The following GPATCH8 variants were observed in gnomAD, a reference collection of about 807,000 sequenced individuals.
The protein encoded by GPATCH8 is G patch domain-containing protein 8.
In GPATCH8, 18 loss-of-function variants were observed where a neutral mutation model predicts 118.3. That is an observed-to-expected ratio of 0.15 (90% CI 0.11 to 0.23). GPATCH8 has a LOEUF of 0.23. Among genes scored for constraint, GPATCH8 ranks in the 10% least tolerant of loss-of-function variants. The pLI is 1.00. For synonymous variants in GPATCH8, 659 were observed against 684.7 expected (o/e 0.96, Z 0.59); for missense variants, 1,631 against 1,873.8 (o/e 0.87, Z 2.39).
chr17:44,440,073 C>T (rs1484319816), intron 3 of GPATCH8, among the ~76,000 whole-genome samples: 1 of 152,080 alleles, frequency 6.6e-6, no homozygotes, highest in East Asian at 1.9e-4. Context: ...TGAACCACCT[C>T]GCCCGGCCTC....
At chr17:44,483,073 G>T (rs1968409263) in intron 1 of GPATCH8, among the ~76,000 whole-genome samples, 1 of 134,288 alleles carries the variant, frequency 7.4e-6, no homozygotes, top group Admixed American at 7.7e-5. Flanking sequence ...GGAGAATGGT[G>T]TGAACCCAGG....
chr17:44,456,915 G>A (rs570275204), intron 3 of GPATCH8, among the ~76,000 whole-genome samples: 2 of 152,138 alleles, frequency 1.3e-5, no homozygotes, highest in Admixed American at 6.5e-5. Context: ...CCAGGATGGA[G>A]TGCAGTGGCG....
intron 4 of GPATCH8, among the ~76,000 whole-genome samples, chr17:44,436,120 TA>T (rs2050506944): frequency 6.7e-6 from 1 of 149,676 alleles, no homozygotes; most frequent in African/African-American, 2.5e-5. Flanking sequence ...GTGACAGCCG[TA>T]CCCAATTCTA....
At chr17:44,427,001 AT>A (rs2143932159) in intron 5 of GPATCH8, among the ~76,000 whole-genome samples, 1 of 152,294 alleles carries the variant, frequency 6.6e-6, no homozygotes, top group East Asian at 1.9e-4. Context: ...ACACGTATAT[AT>A]GGAGTTATAT....
intron 3 of GPATCH8, among the ~76,000 whole-genome samples, chr17:44,443,017 G>A (rs957366270): frequency 2.0e-5 from 3 of 152,270 alleles, no homozygotes; most frequent in Admixed American, 2.0e-4. Context: ...CCCAGGAGCT[G>A]GAGTGAGCTA....
intron 4 of GPATCH8, 40 bp from the exon 5 acceptor site, chr17:44,435,191 T>C (rs368664559): frequency 1.7e-5 from 15 of 901,462 alleles, no homozygotes; most frequent in Non-Finnish European, 2.8e-5. Context: ...ATTCCTAAAG[T>C]ACCCCCAAGA....
intron 3 of GPATCH8, among the ~76,000 whole-genome samples, chr17:44,461,005 A>G (rs145601315): frequency 1.7e-4 from 26 of 152,300 alleles, no homozygotes; most frequent in African/African-American, 6.0e-4. Flanking sequence ...TCAATTCTTA[A>G]TGTTGGAAAC....
intron 2 of GPATCH8, among the ~76,000 whole-genome samples, chr17:44,471,519 C>G (rs2144356659): frequency 1.3e-5 from 2 of 152,292 alleles, no homozygotes; most frequent in East Asian, 3.9e-4. Flanking sequence ...AATGACTAGA[C>G]CTTTAGCTCC....
rs869068538 is a variant in GPATCH8 at position 44,468,373 on chromosome 17, C to CTT, written c.121-3831_121-3830dup. Among the ~76,000 whole-genome samples the CTT allele has an allele frequency of 1.1e-3, 106 of 100,006 alleles. 5 individuals carry two copies. Among genetic ancestry groups the CTT allele is most frequent in the East Asian group, 2.7e-3 (9 of 3,334 alleles). 65.6% of individuals were successfully genotyped at this position (100,006 alleles called of 152,430 possible). A position where few individuals can be genotyped will look rare whatever the true frequency, so the allele number is the denominator to read the frequency against. On this transcript the variant is annotated intron_variant, in intron 2 of 7. Coordinates refer to ENST00000591680, the MANE Select transcript of GPATCH8 (RefSeq NM_001002909.4). Reference sequence around the variant, plus strand: ...CAATGAACATTAAATTTCTTTGTTCCTTTTTTTTTTTTTTTTTTTTTTTTT... The same window carrying CTT: ...CAATGAACATTAAATTTCTTTGTTCCTTTTTTTTTTTTTTTTTTTTTTTTTTT...
chr17:44,452,075 A>G (rs1376248163), intron 3 of GPATCH8, among the ~76,000 whole-genome samples: 1 of 152,050 alleles, frequency 6.6e-6, no homozygotes, highest in Non-Finnish European at 1.5e-5. Context: ...GTTTGAGACC[A>G]GTCTGGCCAA....
intron 7 of GPATCH8, among the ~76,000 whole-genome samples, chr17:44,401,995 C>T (rs1217730625): frequency 1.4e-5 from 2 of 144,040 alleles, no homozygotes; most frequent in African/African-American, 5.1e-5. Flanking sequence ...CAGAGCGAGA[C>T]TCCCTCTCAA....
chr17:44,483,807 A>G (rs1037284973), intron 1 of GPATCH8, among the ~76,000 whole-genome samples: 13 of 141,836 alleles, frequency 9.2e-5, no homozygotes, highest in African/African-American at 3.1e-4. Context: ...AGGCTCGGCT[A>G]ATTTTTGTTT....
At chr17:44,480,397 T>C (rs367560112) in intron 1 of GPATCH8, among the ~76,000 whole-genome samples, 1 of 151,296 alleles carries the variant, frequency 6.6e-6, no homozygotes, top group Non-Finnish European at 1.5e-5. Context: ...CTGGCCAACA[T>C]GGTGAAACTC....
chr17:44,439,783 C>CTT (rs200851468), intron 3 of GPATCH8, among the ~76,000 whole-genome samples: 26 of 140,546 alleles, frequency 1.8e-4, no homozygotes, highest in Admixed American at 2.9e-4. Context: ...GAAAACTCAA[C>CTT]TTTTTTTTTT....
intron 5 of GPATCH8, among the ~76,000 whole-genome samples, chr17:44,433,350 TTGAG>T (rs1217926801): frequency 1.3e-5 from 2 of 152,250 alleles, no homozygotes; most frequent in African/African-American, 4.8e-5. Flanking sequence ...CTAATATTTA[TTGAG>T]TACTTATGCA....
intron 1 of GPATCH8, among the ~76,000 whole-genome samples, chr17:44,484,229 C>T (rs900891009): frequency 6.6e-6 from 1 of 152,092 alleles, no homozygotes; most frequent in East Asian, 1.9e-4. Context: ...AGCAATTTGC[C>T]TGCCTCAGCC....
At chr17:44,503,138 T>G (rs1458210203) in intron 1 of GPATCH8, among the ~76,000 whole-genome samples, 188 bp downstream of exon 1, 1 of 152,126 alleles carries the variant, frequency 6.6e-6, no homozygotes, top group Non-Finnish European at 1.5e-5. Flanking sequence ...GGTAAGAGAA[T>G]GCGGGTGCGA....
chr17:44,501,702 T>C (rs1970082606), intron 1 of GPATCH8, among the ~76,000 whole-genome samples: 1 of 152,176 alleles, frequency 6.6e-6, no homozygotes, highest in Non-Finnish European at 1.5e-5. Context: ...AAAATCCTGT[T>C]TGCTAAGCCT....
rs541119273 is a variant in GPATCH8 at position 44,493,145 on chromosome 17, T to C, written c.45+10181A>G. ...CTGACTCACAACAACCTCTGCCTCC[T>C]GGGTTCATGCAATTCTCCTGCCTCA... On this transcript the variant is annotated intron_variant, in intron 1 of 7. Coordinates refer to ENST00000591680, the MANE Select transcript of GPATCH8 (RefSeq NM_001002909.4). Among the ~76,000 whole-genome samples, 12 of 149,496 alleles carry C rather than the reference T, an allele frequency of 8.0e-5. No individual in the cohort carries two copies. In the South Asian group the frequency reaches 2.5e-3, roughly 32 times the overall value.
Sources: allele counts gnomAD v4.1 joint callset (sites outside exome capture counted in the v4.1 genomes callset), GRCh38; gene constraint gnomAD v4.1.1; transcripts MANE v1.5; gene names NCBI Gene and HGNC (gene_info 2026-07-23, HGNC 2026-07-21).